SYNE1: variants seen among roughly 807,000 people sequenced by gnomAD.
SYNE1 encodes nesprin-1.
SYNE1 carries 616 observed loss-of-function variants against 1,111.0 expected under a neutral mutation model. That is an observed-to-expected ratio of 0.55 (90% CI 0.52 to 0.59). SYNE1 has a LOEUF of 0.59. Ranked by LOEUF, SYNE1 falls within the 20% of genes least tolerant of loss-of-function variation. SYNE1 has a pLI of 0.00. For missense variants in SYNE1, 10,006 were observed against 10,417.0 expected, an observed-to-expected ratio of 0.96 and a Z score of 1.72; for synonymous variants, 3,855 against 3,825.8, an observed-to-expected ratio of 1.01 and a Z score of -0.28.
chr6:152,404,161 G>A, intron 46 of SYNE1, 52 bp downstream of exon 46: 1 of 1,204,190 alleles, frequency 8.3e-7, no homozygotes, highest in South Asian at 1.2e-5. Flanking sequence ...TCTAGTATAT[G>A]GTAGTAATTA....
chr6:152,125,288 G>A (rs2152563165), intron 145 of SYNE1: 1 of 1,550,450 alleles, frequency 6.4e-7, no homozygotes, highest in African/African-American at 1.4e-5. Context: ...TAGAAGCAAA[G>A]AAGAGAATCC....
At position 152,404,330 on chromosome 6, in the gene SYNE1, A is replaced by C. The variant is rs1226627658; in HGVS notation, c.6724-16T>G. The C allele has an allele frequency of 6.4e-7, 1 of 1,568,586 alleles. No homozygotes were observed. Among genetic ancestry groups the C allele is most frequent in the African/African-American group, 1.4e-5 (1 of 73,916 alleles). On this transcript the variant is annotated splice_polypyrimidine_tract_variant and intron_variant, in intron 45 of 145. Transcript: ENST00000367255. The stretch of plus-strand genomic sequence containing the variant: ...TAACTTCAGACTGCCAAAAGGGAAG[A>C]AACATAACTAATCAAAAACACTGAC...
intron 87 of SYNE1, among the ~76,000 whole-genome samples, chr6:152,314,227 G>A (rs1260643406): frequency 6.6e-6 from 1 of 152,206 alleles, no homozygotes; most frequent in African/African-American, 2.4e-5. Context: ...AGGCTTCAGA[G>A]TGACTTCAGG....
In SYNE1 at chr6:152,251,170, C is replaced by T. The variant is rs192939162; in HGVS notation, c.19471-1908G>A. 1.5e-3 allele frequency among the ~76,000 whole-genome samples: 229 copies of T among 152,022 alleles called. 1 individual carries two copies. The highest frequency in any genetic ancestry group is 9.9e-4 in the East Asian group (5 of 5,074). ...TTCACCATCTTGCCCAGGCTGGTCG[C>T]GAACTCCTGAGCTCAGGTGATCCAC... On this transcript the variant is annotated intron_variant, in intron 104 of 145. Transcript: ENST00000367255.
chr6:152,170,825 A>G (rs1479148213), intron 130 of SYNE1, among the ~76,000 whole-genome samples: 1 of 152,214 alleles, frequency 6.6e-6, no homozygotes, highest in East Asian at 1.9e-4. Context: ...GTCACTACCC[A>G]AATCTCATCT....
In SYNE1 at chr6:152,365,634, G is replaced by GTT. The variant is rs35307403; in HGVS notation, c.9973-617_9973-616dup. 8.0e-4 allele frequency among the ~76,000 whole-genome samples: 114 copies of GTT among 142,260 alleles called. 1 individual carries two copies. Among genetic ancestry groups the GTT allele is most frequent in the East Asian group, 8.0e-3 (39 of 4,868 alleles). 93.3% of individuals were successfully genotyped at this position (142,260 alleles called of 152,430 possible). A position where few individuals can be genotyped will look rare whatever the true frequency, so the allele number is the denominator to read the frequency against. The stretch of plus-strand genomic sequence containing the variant: ...GCTGCCATGGCCAGCTAATTTAAAT[G>GTT]TTTTTTTTTTTTTGTAAAGGTGAGG... On this transcript the variant is annotated intron_variant, in intron 62 of 145. Transcript: ENST00000367255.
chr6:152,434,840 T>C (rs1424044898), intron 33 of SYNE1: 1 of 152,128 alleles, frequency 6.6e-6, no homozygotes, highest in Non-Finnish European at 1.5e-5. Flanking sequence ...AGTGGCATCA[T>C]TGACTGTCAA....
chr6:152,488,642 C>A, intron 11 of SYNE1, 139 bp from the exon 12 acceptor site: 1 of 586,832 alleles, frequency 1.7e-6, no homozygotes, highest in Non-Finnish European at 3.0e-6. Flanking sequence ...TCTCCTTACC[C>A]CCACCTTTAG....
chr6:152,568,905 A>G (rs572102867), intron 3 of SYNE1, among the ~76,000 whole-genome samples: 3 of 152,276 alleles, frequency 2.0e-5, no homozygotes, highest in Non-Finnish European at 4.4e-5. Flanking sequence ...AATTTAAAAA[A>G]CAATGAGATA....
intron 6 of SYNE1, 137 bp from the exon 7 acceptor site, chr6:152,511,240 TG>T: frequency 2.6e-6 from 2 of 774,708 alleles, no homozygotes; most frequent in Non-Finnish European, 4.3e-6. Flanking sequence ...GTAAGTAGAG[TG>T]AGGCACCGAA....
intron 24 of SYNE1, among the ~76,000 whole-genome samples, chr6:152,454,902 T>C (rs537426856): frequency 6.6e-6 from 1 of 152,286 alleles, no homozygotes; most frequent in South Asian, 2.1e-4. Flanking sequence ...ATACCATTCA[T>C]GAACATTATG....
chr6:152,541,281 T>C (rs921329466), intron 3 of SYNE1, among the ~76,000 whole-genome samples: 1 of 152,196 alleles, frequency 6.6e-6, no homozygotes, highest in Non-Finnish European at 1.5e-5. Context: ...TCCATTTGTT[T>C]GTATCATCTA....
intron 51 of SYNE1, among the ~76,000 whole-genome samples, chr6:152,393,970 T>C (rs139019340): frequency 0.011 from 1,605 of 152,318 alleles, 8 homozygotes; most frequent in Non-Finnish European, 0.017. Flanking sequence ...ATGCTATCCT[T>C]CCCCTAAGCC....
At chr6:152,534,336 A>G (rs981787244) in intron 4 of SYNE1, among the ~76,000 whole-genome samples, 5 of 152,240 alleles carry the variant, frequency 3.3e-5, no homozygotes, top group East Asian at 1.9e-4. Flanking sequence ...AATATATTCT[A>G]TAAATAAATT....
chr6:152,185,000 C>A (rs78678694), intron 128 of SYNE1, among the ~76,000 whole-genome samples: 234 of 152,260 alleles, frequency 1.5e-3, no homozygotes, highest in African/African-American at 5.3e-3. Context: ...TGAGAAGCAC[C>A]AGCTAAAACC....
intron 51 of SYNE1, among the ~76,000 whole-genome samples, chr6:152,394,453 T>C (rs2154138964): frequency 1.3e-5 from 2 of 152,292 alleles, no homozygotes; most frequent in Middle Eastern, 3.4e-3. Flanking sequence ...TGCACTTCCC[T>C]GTGGAAAGTA....
intron 98 of SYNE1, among the ~76,000 whole-genome samples, chr6:152,277,052 G>C (rs781219720): frequency 6.6e-6 from 1 of 150,626 alleles, no homozygotes; most frequent in Non-Finnish European, 1.5e-5. Flanking sequence ...CACTATGCCC[G>C]GCTAATTTTT....
chr6:152,149,500 G>A lies in SYNE1; in HGVS notation c.24619C>T (p.His8207Tyr). ...ACAGGCAGGCGGATCAGTTTCTTATGGTATCTTTCCACACGCCCGAAGACC... is the reference window on the plus strand; with the variant it reads ...ACAGGCAGGCGGATCAGTTTCTTATAGTATCTTTCCACACGCCCGAAGACC... ...QEVFGRVERY[H>Y]KKLIRLPLPD... Residue 8207 changes from histidine to tyrosine, a missense_variant, in exon 136 of 146, where the codon CAT (histidine) becomes TAT (tyrosine). By Grantham distance (83) the His-to-Tyr change is moderately conservative. Coordinates refer to ENST00000367255, the MANE Select transcript of SYNE1 (RefSeq NM_182961.4). 6.2e-7 allele frequency: 1 copy of A among 1,614,126 alleles called. No homozygotes were observed. The highest frequency in any genetic ancestry group is 8.5e-7 in the Non-Finnish European group (1 of 1,180,020).
intron 114 of SYNE1, 137 bp downstream of exon 114, chr6:152,231,254 T>C: frequency 2.4e-6 from 2 of 848,516 alleles, no homozygotes; most frequent in Non-Finnish European, 3.9e-6. Flanking sequence ...TTTAGGGTGA[T>C]TAACCTTCAG....
Sources: gnomAD v4.1 joint callset for allele counts (sites outside exome capture counted in the v4.1 genomes callset) on GRCh38, gnomAD v4.1.1 for gene constraint, MANE v1.5 for transcripts, NCBI Gene and HGNC (gene_info 2026-07-23, HGNC 2026-07-21) for gene names.